Variants in MAPK10 observed in about 807,000 individuals in gnomAD.
The protein encoded by MAPK10 is mitogen-activated protein kinase 10.
A neutral mutation model predicts 59.3 loss-of-function variants in MAPK10; 25 were observed. The observed-to-expected ratio is 0.42, with a 90% CI of 0.31 to 0.59. MAPK10 has a LOEUF of 0.59. MAPK10 is among the 20% of genes least tolerant of loss of function. The pLI is 0.15. For synonymous variants in MAPK10, 190 were observed against 200.5 expected (o/e 0.95, Z 0.44); for missense variants, 351 against 568.9 (o/e 0.62, Z 3.90).
chr4:86,306,000 T>A (rs1412301709), intron 2 of MAPK10, among the ~76,000 whole-genome samples: 2 of 152,190 alleles, frequency 1.3e-5, no homozygotes, highest in African/African-American at 4.8e-5. Context: ...TTATTGGGAC[T>A]TCATTTTATA....
At chr4:86,418,641 T>C (rs1207842812) in intron 1 of MAPK10, among the ~76,000 whole-genome samples, 1 of 152,236 alleles carries the variant, frequency 6.6e-6, no homozygotes, top group Non-Finnish European at 1.5e-5. Context: ...AACGACAGAA[T>C]ATTTGCAAGA....
At chr4:86,281,174 G>A (rs1280699822) in intron 2 of MAPK10, among the ~76,000 whole-genome samples, 1 of 152,112 alleles carries the variant, frequency 6.6e-6, no homozygotes, top group Non-Finnish European at 1.5e-5. Context: ...ACCATGCTGT[G>A]TTTATCTTAA....
chr4:86,321,115 G>C (rs954718447), intron 2 of MAPK10, among the ~76,000 whole-genome samples: 15 of 151,890 alleles, frequency 9.9e-5, no homozygotes, highest in Non-Finnish European at 1.6e-4. Context: ...GGAGAAATAG[G>C]AACACTTTTA....
chr4:86,115,087 G>A (rs56138117), intron 4 of MAPK10, among the ~76,000 whole-genome samples: 2,290 of 152,354 alleles, frequency 0.015, 58 homozygotes, highest in African/African-American at 0.052. Context: ...CCAGGCACTC[G>A]GTTGTATTAG....
Position 86,435,470 on chromosome 4 carries a change from C to T in MAPK10, c.-122+17560G>A, listed in dbSNP as rs553485704. Among the ~76,000 whole-genome samples the T allele has an allele frequency of 4.4e-4, 67 of 151,984 alleles. No homozygotes were observed. In the South Asian group the frequency reaches 0.01, roughly 24 times the overall value. On this transcript the variant is annotated intron_variant, in intron 1 of 13. Coordinates refer to the MAPK10 transcript ENST00000361569. ...CGAGATCACACCATTGCACTCCAGC[C>T]TGGGCAACAAGAGCAAAACGCCATC...
chr4:86,203,538 A>T (rs568125716), intron 2 of MAPK10, among the ~76,000 whole-genome samples: 115 of 150,532 alleles, frequency 7.6e-4, no homozygotes, highest in Non-Finnish European at 8.2e-4. Flanking sequence ...CTAATTATTT[A>T]AAAAAAAAGT....
intron 10 of MAPK10, 23 bp downstream of exon 10, chr4:86,067,750 C>T: frequency 4.4e-6 from 7 of 1,591,176 alleles, no homozygotes; most frequent in Non-Finnish European, 6.0e-6. Flanking sequence ...TAGTTGTCCT[C>T]AAGTCATTCC....
At chr4:86,340,281 T>C (rs933791853) in intron 2 of MAPK10, 2 of 152,404 alleles carry the variant, frequency 1.3e-5, no homozygotes, top group Non-Finnish European at 2.9e-5. Flanking sequence ...TTCACTCTGC[T>C]ATAAAGAACT....
chr4:86,493,815 A>G (rs1754663588), intron 1 of MAPK10, among the ~76,000 whole-genome samples: 3 of 152,182 alleles, frequency 2.0e-5, no homozygotes, highest in South Asian at 2.1e-4. Context: ...AAGAGCATGT[A>G]TATGTGTTTG....
upstream of MAPK10, among the ~76,000 whole-genome samples, chr4:86,456,027 T>C (rs1488774898): frequency 6.6e-6 from 1 of 152,072 alleles, no homozygotes; most frequent in Non-Finnish European, 1.5e-5. Flanking sequence ...GGCAAATACA[T>C]GGAAATTAAA....
In MAPK10 at chr4:86,203,506, T is replaced by C. The variant is rs111332715; in HGVS notation, c.-6-9099A>G. ...TGGTTTGTCACTGAACTGCAATATA[T>C]ACAAGGAAAAACCATGAACTACTAA... On this transcript the variant is annotated intron_variant, in intron 2 of 13. Transcript: ENST00000641462. 2.3e-4 allele frequency among the ~76,000 whole-genome samples: 35 copies of C among 151,462 alleles called. No individual in the cohort carries two copies. The Middle Eastern group carries it at 0.01, about 44-fold the overall frequency.
chr4:86,497,389 C>A (rs1244972334), intron 1 of MAPK10, among the ~76,000 whole-genome samples: 1 of 152,212 alleles, frequency 6.6e-6, no homozygotes, highest in East Asian at 1.9e-4. Context: ...GAAAACCTAT[C>A]CTCAGGCTCC....
rs1204731947 is a variant in MAPK10 at position 86,439,450 on chromosome 4, C to T, written c.-122+13580G>A. On this transcript the variant is annotated intron_variant, in intron 1 of 13. Coordinates refer to the MAPK10 transcript ENST00000361569. ...TTCATTCCTTTTTATTGCTGAGTAG[C>T]CTTCCACTTTATGGATGTACCACCA... Among the ~76,000 whole-genome samples, 5 of 152,148 alleles carry T rather than the reference C, an allele frequency of 3.3e-5. No homozygotes were observed. In the South Asian group the frequency reaches 6.2e-4, roughly 19 times the overall value.
intron 1 of MAPK10, among the ~76,000 whole-genome samples, chr4:86,395,675 A>G (rs895837487): frequency 2.6e-5 from 4 of 152,178 alleles, no homozygotes; most frequent in African/African-American, 9.7e-5. Flanking sequence ...AAGGAGAGAT[A>G]TTCATTTCTC....
At chr4:86,393,017 T>C (rs1418820149) in intron 1 of MAPK10, among the ~76,000 whole-genome samples, 2 of 152,246 alleles carry the variant, frequency 1.3e-5, no homozygotes, top group African/African-American at 2.4e-5. Flanking sequence ...ACTTATGTCC[T>C]TGAATGTAAC....
At chr4:86,583,086 ACT>A (rs1478862180) in intron 1 of MAPK10, among the ~76,000 whole-genome samples, 1 of 151,960 alleles carries the variant, frequency 6.6e-6, no homozygotes, top group Admixed American at 6.6e-5. Flanking sequence ...GTGAACACTA[ACT>A]CTGTCTGTAG....
intron 1 of MAPK10, among the ~76,000 whole-genome samples, chr4:86,443,526 T>C (rs1265783759): frequency 6.6e-6 from 1 of 150,912 alleles, no homozygotes; most frequent in Non-Finnish European, 1.5e-5. Flanking sequence ...CGAGAAGCAC[T>C]TGTGAAGTTC....
At chr4:86,465,340 T>C (rs1274009432) in intron 1 of MAPK10, among the ~76,000 whole-genome samples, 2 of 152,216 alleles carry the variant, frequency 1.3e-5, no homozygotes, top group African/African-American at 4.8e-5. Context: ...GCTACATTTT[T>C]CTCTGTATAG....
chr4:86,209,792 A>G (rs1005682119), intron 2 of MAPK10, among the ~76,000 whole-genome samples: 6 of 152,104 alleles, frequency 3.9e-5, no homozygotes, highest in African/African-American at 1.4e-4. Flanking sequence ...ATGTATATGG[A>G]GCCACAAAAT....
Sources: allele counts gnomAD v4.1 joint callset (sites outside exome capture counted in the v4.1 genomes callset), GRCh38; gene constraint gnomAD v4.1.1; transcripts MANE v1.5; gene names NCBI Gene and HGNC (gene_info 2026-07-23, HGNC 2026-07-21).